Variants in UHRF2 observed in about 807,000 individuals in gnomAD.
The protein encoded by UHRF2 is E3 ubiquitin-protein ligase UHRF2.
In UHRF2, 23 loss-of-function variants were observed where a neutral mutation model predicts 96.8. The observed-to-expected ratio is 0.24, with a 90% CI of 0.17 to 0.34. The LOEUF (loss-of-function observed/expected upper bound fraction) is 0.34, where lower values mean the gene tolerates loss of function less well. Among genes scored for constraint, UHRF2 ranks in the 10% least tolerant of loss-of-function variants. The pLI, the probability that UHRF2 is intolerant of heterozygous loss-of-function variation, is 1.00. For missense variants in UHRF2, 685 were observed against 981.5 expected (o/e 0.70, Z 4.04); for synonymous variants, 385 against 332.6 (o/e 1.16, Z -1.72).
intron 13 of UHRF2, 71 bp downstream of exon 13, chr9:6,500,002 C>CA: frequency 2.4e-6 from 3 of 1,225,710 alleles, no homozygotes; most frequent in Non-Finnish European, 3.5e-6. Flanking sequence ...GACGGGGTCT[C>CA]ACTCTTGTCA....
At chr9:6,445,983 T>TTGTTTTTTTTTTTTTTTTTTTTTTTTTG (rs1389410396) in intron 3 of UHRF2, among the ~76,000 whole-genome samples, 1 of 117,526 alleles carries the variant, frequency 8.5e-6, no homozygotes, top group African/African-American at 3.6e-5. Flanking sequence ...CCGCCACCCT[T>TTGTTTTTTTTTTTTTTTTTTTTTTTTTG]TTTTTTTTTT....
At chr9:6,453,475 T>G (rs1821992915) in intron 3 of UHRF2, among the ~76,000 whole-genome samples, 1 of 152,188 alleles carries the variant, frequency 6.6e-6, no homozygotes. Context: ...TTAAGAATAT[T>G]GAGGCAGGAA....
chr9:6,427,343 AT>A (rs1820316670), intron 2 of UHRF2, among the ~76,000 whole-genome samples: 1 of 152,200 alleles, frequency 6.6e-6, no homozygotes, highest in African/African-American at 2.4e-5. Context: ...GAATTTTCAA[AT>A]TAACTTTATT....
At chr9:6,487,187 T>TATTTTTTTA (rs1563799255) in intron 9 of UHRF2, among the ~76,000 whole-genome samples, 16 of 125,310 alleles carry the variant, frequency 1.3e-4, no homozygotes, top group African/African-American at 5.1e-4. Context: ...TTTTCCTTTT[T>TATTTTTTTA]TTTTTTTTTT....
Position 6,480,905 on chromosome 9 carries a change from G to A in UHRF2, c.1161-738G>A, listed in dbSNP as rs555351269. Among the ~76,000 whole-genome samples the A allele has an allele frequency of 1.1e-4, 16 of 152,258 alleles. 1 individual carries two copies. In the South Asian group the frequency reaches 3.3e-3, roughly 32 times the overall value. On this transcript the variant is annotated intron_variant, in intron 6 of 15. Transcript: ENST00000276893. ...TAGTCTTCTTTGCTCTAAAAGCTAC[G>A]TAGAATAGATAATTGTGAAATAGAA...
chr9:6,450,225 G>A (rs951636178), intron 3 of UHRF2, among the ~76,000 whole-genome samples: 1 of 151,580 alleles, frequency 6.6e-6, no homozygotes, highest in Admixed American at 6.6e-5. Flanking sequence ...ATGTACTTAG[G>A]TTGTTCAAAT....
At chr9:6,456,821 T>G (rs1292348246) in intron 3 of UHRF2, among the ~76,000 whole-genome samples, 1 of 152,188 alleles carries the variant, frequency 6.6e-6, no homozygotes. Context: ...TTTGTCAGGA[T>G]TGTCAAAGAT....
chr9:6,504,192 A>G lies in UHRF2; in HGVS notation c.2164-401A>G, dbSNP rs142760639. Among the ~76,000 whole-genome samples, 100 of 151,768 alleles carry G rather than the reference A, an allele frequency of 6.6e-4. 1 individual carries two copies. The East Asian group carries it at 0.014, about 22-fold the overall frequency. On this transcript the variant is annotated intron_variant, in intron 14 of 15. Coordinates refer to ENST00000276893, the MANE Select transcript of UHRF2 (RefSeq NM_152896.3). ...AGGCACACGCCGCCACGCCCAGATAATTTTTTGTATTTTTAGTAGCGATGG... is the reference window on the plus strand; with the variant it reads ...AGGCACACGCCGCCACGCCCAGATAGTTTTTTGTATTTTTAGTAGCGATGG...
At chr9:6,418,301 A>T (rs1819731446) in intron 1 of UHRF2, among the ~76,000 whole-genome samples, 1 of 143,568 alleles carries the variant, frequency 7.0e-6, no homozygotes, top group Non-Finnish European at 1.5e-5. Context: ...CAATATTCCC[A>T]TCCCTATCCT....
chr9:6,480,564 G>C (rs73399099), intron 6 of UHRF2, among the ~76,000 whole-genome samples: 4,472 of 152,246 alleles, frequency 0.029, 239 homozygotes, highest in African/African-American at 0.1. Flanking sequence ...AATCTTTTCT[G>C]CTTCTCCAAA....
chr9:6,462,772 C>G (rs1159734144), intron 4 of UHRF2, among the ~76,000 whole-genome samples: 4 of 151,878 alleles, frequency 2.6e-5, no homozygotes, highest in African/African-American at 4.8e-5. Flanking sequence ...CAAAAATTAG[C>G]TGGGTGTAGT....
chr9:6,420,203 G>A (rs1261064761), intron 1 of UHRF2, among the ~76,000 whole-genome samples: 21 of 151,576 alleles, frequency 1.4e-4, no homozygotes, highest in Non-Finnish European at 4.4e-5. Context: ...TTACAGGTGC[G>A]TACCACCACG....
intron 6 of UHRF2, among the ~76,000 whole-genome samples, chr9:6,480,780 C>G (rs570963727): frequency 3.6e-4 from 55 of 152,316 alleles, no homozygotes; most frequent in Non-Finnish European, 7.1e-4. Context: ...TTAGTGCCTT[C>G]TCAAACATAA....
In UHRF2 at chr9:6,439,156, A is replaced by G. The variant is rs188584996; in HGVS notation, c.644+4983A>G. Among the ~76,000 whole-genome samples the G allele has an allele frequency of 3.9e-5, 6 of 152,294 alleles. No homozygotes were observed. The East Asian group carries it at 5.8e-4, about 15-fold the overall frequency. On this transcript the variant is annotated intron_variant, in intron 3 of 15. Coordinates refer to ENST00000276893, the MANE Select transcript of UHRF2 (RefSeq NM_152896.3). ...AGTTGCTTGTAAATGGTCCTTTTCTATAGATTTCTTGGTGAACATAGGCTG... is the reference window on the plus strand; with the variant it reads ...AGTTGCTTGTAAATGGTCCTTTTCTGTAGATTTCTTGGTGAACATAGGCTG...
intron 3 of UHRF2, among the ~76,000 whole-genome samples, chr9:6,435,531 G>A (rs902334500): frequency 7.9e-5 from 12 of 152,038 alleles, no homozygotes; most frequent in African/African-American, 2.2e-4. Flanking sequence ...ACTAATTTTA[G>A]AACAACCCCC....
intron 3 of UHRF2, among the ~76,000 whole-genome samples, chr9:6,448,847 A>C (rs1364118380): frequency 2.0e-5 from 3 of 152,222 alleles, no homozygotes; most frequent in Non-Finnish European, 4.4e-5. Context: ...TTGTACACAT[A>C]AGGAAAAACT....
Position 6,440,551 on chromosome 9 carries a change from A to C in UHRF2, c.644+6378A>C, listed in dbSNP as rs185767798. On this transcript the variant is annotated intron_variant, in intron 3 of 15. Transcript: ENST00000276893. Reference sequence around the variant, plus strand: ...CATTTTATATAAATATTTAATTGCAAGTATGAGCTGAAGACTTGCTTTAGA... The same window carrying C: ...CATTTTATATAAATATTTAATTGCACGTATGAGCTGAAGACTTGCTTTAGA... Among the ~76,000 whole-genome samples the C allele has an allele frequency of 6.4e-4, 97 of 152,308 alleles. 1 individual carries two copies. Among genetic ancestry groups the C allele is most frequent in the Non-Finnish European group, 4.1e-4 (28 of 68,022 alleles).
At chr9:6,429,658 C>G (rs1182889319) in intron 2 of UHRF2, among the ~76,000 whole-genome samples, 1 of 152,182 alleles carries the variant, frequency 6.6e-6, no homozygotes, top group East Asian at 1.9e-4. Flanking sequence ...TGAGTCTTAA[C>G]ATTGAACGTA....
intron 3 of UHRF2, among the ~76,000 whole-genome samples, chr9:6,458,070 T>A (rs765302056): frequency 1.3e-5 from 2 of 152,218 alleles, no homozygotes; most frequent in Non-Finnish European, 2.9e-5. Context: ...TGGAATAGTT[T>A]CAGAAGAAAT....
Sources: allele counts gnomAD v4.1 joint callset (sites outside exome capture counted in the v4.1 genomes callset), GRCh38; gene constraint gnomAD v4.1.1; transcripts MANE v1.5; gene names NCBI Gene and HGNC (gene_info 2026-07-23, HGNC 2026-07-21).